Variants in SLC41A2 observed in about 807,000 individuals in gnomAD.
SLC41A2 encodes the protein SLC41A1-like 1.
SLC41A2 carries 32 observed loss-of-function variants against 58.3 expected under a neutral mutation model. The observed-to-expected ratio is 0.55, with a 90% confidence interval of 0.41 to 0.74. The LOEUF is 0.74. Among genes scored for constraint, SLC41A2 ranks in the 30% least tolerant of loss-of-function variants. The probability of loss-of-function intolerance (pLI) is 0.00; values close to 1 mark genes in which losing one functional copy is unlikely to be tolerated. For synonymous variants in SLC41A2, 190 were observed against 235.0 expected (o/e 0.81, Z 1.75); for missense variants, 514 against 680.6 (o/e 0.76, Z 2.72).
intron 2 of SLC41A2, among the ~76,000 whole-genome samples, chr12:104,915,975 A>G (rs937604153): frequency 6.6e-6 from 1 of 152,206 alleles, no homozygotes; most frequent in African/African-American, 2.4e-5. Flanking sequence ...AGTTTTTAGC[A>G]TAAGGGGTTG....
At chr12:104,949,452 T>A (rs2047869431) in intron 1 of SLC41A2, among the ~76,000 whole-genome samples, 1 of 152,232 alleles carries the variant, frequency 6.6e-6, no homozygotes, top group Non-Finnish European at 1.5e-5. Flanking sequence ...CATACAGATT[T>A]ACATAAAGAT....
At chr12:104,941,284 CAG>C (rs2047504520) in intron 1 of SLC41A2, among the ~76,000 whole-genome samples, 1 of 152,176 alleles carries the variant, frequency 6.6e-6, no homozygotes, top group Admixed American at 6.5e-5. Flanking sequence ...TGCCCACTGA[CAG>C]AAAAGAATAA....
intron 3 of SLC41A2, among the ~76,000 whole-genome samples, chr12:104,900,011 C>T (rs1428078833): frequency 1.3e-5 from 2 of 152,068 alleles, no homozygotes; most frequent in Non-Finnish European, 2.9e-5. Flanking sequence ...TTTGGATCTC[C>T]CCTTTTCTGT....
At chr12:104,884,547 C>T (rs78329375) in intron 6 of SLC41A2, among the ~76,000 whole-genome samples, 9,839 of 152,244 alleles carry the variant, frequency 0.065, 788 homozygotes, top group African/African-American at 0.19. Flanking sequence ...TCCCTACCCC[C>T]ACCCTCTATG....
At chr12:104,822,355 T>G (rs764477713) in intron 10 of SLC41A2, among the ~76,000 whole-genome samples, 2 of 152,280 alleles carry the variant, frequency 1.3e-5, no homozygotes, top group East Asian at 1.9e-4. Flanking sequence ...CCACTTCAAA[T>G]AGGCCTTCTG....
intron 10 of SLC41A2, among the ~76,000 whole-genome samples, chr12:104,816,234 A>T (rs1211341322): frequency 3.3e-5 from 5 of 152,192 alleles, no homozygotes; most frequent in Admixed American, 3.3e-4. Context: ...ACACAACCCA[A>T]AAAACAAGAA....
chr12:104,889,772 G>A (rs1565877312), intron 4 of SLC41A2, among the ~76,000 whole-genome samples: 1 of 152,068 alleles, frequency 6.6e-6, no homozygotes, highest in Non-Finnish European at 1.5e-5. Flanking sequence ...TCACAAATAA[G>A]CACAATTGTG....
intron 6 of SLC41A2, among the ~76,000 whole-genome samples, chr12:104,873,764 TTC>T (rs2043903190): frequency 6.6e-6 from 1 of 152,192 alleles, no homozygotes; most frequent in African/African-American, 2.4e-5. Context: ...TGGTTTGCTT[TTC>T]TCTGATGATT....
At chr12:104,890,031 T>C (rs73399965) in intron 4 of SLC41A2, among the ~76,000 whole-genome samples, 1,645 of 152,258 alleles carry the variant, frequency 0.011, 27 homozygotes, top group African/African-American at 0.035. Context: ...GTTTGTGTCA[T>C]GGACTCCTTT....
intron 3 of SLC41A2, among the ~76,000 whole-genome samples, chr12:104,898,109 T>C (rs2045383623): frequency 6.6e-6 from 1 of 152,162 alleles, no homozygotes; most frequent in African/African-American, 2.4e-5. Flanking sequence ...ATTATGTATA[T>C]CTTAAAGTAT....
At chr12:104,949,784 C>T (rs2047885061) in intron 1 of SLC41A2, among the ~76,000 whole-genome samples, 1 of 152,110 alleles carries the variant, frequency 6.6e-6, no homozygotes, top group Non-Finnish European at 1.5e-5. Context: ...GGTTTCTCCA[C>T]GTTGGTCAGG....
intron 3 of SLC41A2, among the ~76,000 whole-genome samples, chr12:104,905,398 G>A (rs1389931863): frequency 6.6e-6 from 1 of 152,234 alleles, no homozygotes; most frequent in Non-Finnish European, 1.5e-5. Context: ...CCCTGAGCTA[G>A]ATATAAAGAC....
Position 104,955,728 on chromosome 12 carries a change from T to C in SLC41A2, c.-168+2360A>G, listed in dbSNP as rs2048140669. Reference sequence around the variant, plus strand: ...CAGTGGAAAATTGAGTTTGAATTCCTGGGAGGTAACATCAGGTCTTTTTAG... The same window carrying C: ...CAGTGGAAAATTGAGTTTGAATTCCCGGGAGGTAACATCAGGTCTTTTTAG... On this transcript the variant is annotated intron_variant, in intron 1 of 10. Coordinates refer to ENST00000258538, the MANE Select transcript of SLC41A2 (RefSeq NM_001352171.3). Among the ~76,000 whole-genome samples the C allele has an allele frequency of 1.3e-5, 2 of 149,948 alleles. 1 individual carries two copies. Among genetic ancestry groups the C allele is most frequent in the South Asian group, 4.3e-4 (2 of 4,680 alleles).
chr12:104,932,232 C>T (rs530022999), intron 1 of SLC41A2, among the ~76,000 whole-genome samples: 5 of 152,238 alleles, frequency 3.3e-5, no homozygotes, highest in African/African-American at 1.2e-4. Flanking sequence ...AAACTCTTCT[C>T]GCTGAATAAT....
At chr12:104,896,604 A>C (rs2045294543) in intron 3 of SLC41A2, among the ~76,000 whole-genome samples, 1 of 152,210 alleles carries the variant, frequency 6.6e-6, no homozygotes. Context: ...AAGCAATCTA[A>C]AATGATTCAA....
At chr12:104,916,562 G>C (rs977693741) in intron 2 of SLC41A2, among the ~76,000 whole-genome samples, 11 of 152,076 alleles carry the variant, frequency 7.2e-5, no homozygotes, top group Admixed American at 5.9e-4. Context: ...CACGCTACCT[G>C]ACTTCAAACT....
chr12:104,842,865 T>C (rs80044879), intron 10 of SLC41A2, among the ~76,000 whole-genome samples: 1,704 of 152,160 alleles, frequency 0.011, 41 homozygotes, highest in African/African-American at 0.039. Flanking sequence ...AAATGTCAAA[T>C]AATCCATGAG....
chr12:104,878,203 A>C (rs1462397057), intron 6 of SLC41A2, among the ~76,000 whole-genome samples: 1 of 151,344 alleles, frequency 6.6e-6, no homozygotes, highest in Non-Finnish European at 1.5e-5. Context: ...TCTTTAACTG[A>C]GGAGATATCT....
chr12:104,942,142 C>G (rs1365573431), intron 1 of SLC41A2, among the ~76,000 whole-genome samples: 1 of 152,064 alleles, frequency 6.6e-6, no homozygotes, highest in African/African-American at 2.4e-5. Context: ...TTACATGTAT[C>G]TTATTTTTAA....
Sources: allele counts gnomAD v4.1 joint callset (sites outside exome capture counted in the v4.1 genomes callset), GRCh38; gene constraint gnomAD v4.1.1; transcripts MANE v1.5; gene names NCBI Gene and HGNC (gene_info 2026-07-23, HGNC 2026-07-21).